PLXDC2: variants seen among roughly 807,000 people sequenced by gnomAD.
The protein encoded by PLXDC2 is plexin domain containing 2, also known as plexin domain-containing protein 2.
In PLXDC2, 40 loss-of-function variants were observed where a neutral mutation model predicts 68.9. The observed-to-expected ratio is 0.58, with a 90% CI of 0.45 to 0.76. The LOEUF (loss-of-function observed/expected upper bound fraction) is 0.76, where lower values mean the gene tolerates loss of function less well. PLXDC2 is among the 30% of genes least tolerant of loss of function. PLXDC2 has a pLI of 0.00. For synonymous variants in PLXDC2, 243 were observed against 234.2 expected (o/e 1.04, Z -0.34); for missense variants, 644 against 661.9 (o/e 0.97, Z 0.30).
At chr10:20,031,075 G>A (rs1476001901) in intron 2 of PLXDC2, among the ~76,000 whole-genome samples, 2 of 152,102 alleles carry the variant, frequency 1.3e-5, no homozygotes, top group African/African-American at 4.8e-5. Context: ...GACACTGTGT[G>A]GAATAGAAAG....
At chr10:20,186,440 A>T (rs1194001030) in intron 9 of PLXDC2, among the ~76,000 whole-genome samples, 1 of 151,874 alleles carries the variant, frequency 6.6e-6, no homozygotes, top group Non-Finnish European at 1.5e-5. Context: ...TTAGGTAAGA[A>T]GTACACATGC....
At chr10:20,150,588 A>G (rs1371150381) in intron 6 of PLXDC2, among the ~76,000 whole-genome samples, 1 of 152,184 alleles carries the variant, frequency 6.6e-6, no homozygotes, top group African/African-American at 2.4e-5. Flanking sequence ...ATATTGCTGT[A>G]ACTGCACAGT....
chr10:19,850,274 A>G (rs1340365881), intron 1 of PLXDC2, among the ~76,000 whole-genome samples: 5 of 138,372 alleles, frequency 3.6e-5, no homozygotes, highest in Non-Finnish European at 6.1e-5. Context: ...TGCCTAACTG[A>G]TAGGTTTTTT....
intron 2 of PLXDC2, among the ~76,000 whole-genome samples, chr10:20,031,231 A>G (rs999118264): frequency 6.6e-6 from 1 of 152,050 alleles, no homozygotes; most frequent in Non-Finnish European, 1.5e-5. Context: ...ATAGCCGACC[A>G]TGGTGTCATG....
chr10:19,917,917 G>T (rs1044615835), intron 1 of PLXDC2, among the ~76,000 whole-genome samples: 4 of 152,156 alleles, frequency 2.6e-5, no homozygotes, highest in Admixed American at 2.6e-4. Flanking sequence ...GAACCTATTT[G>T]CAAAGTTCAC....
chr10:20,272,789 G>C (rs541631047), intron 13 of PLXDC2, among the ~76,000 whole-genome samples: 7 of 152,180 alleles, frequency 4.6e-5, no homozygotes, highest in Admixed American at 1.3e-4. Flanking sequence ...ATTAAAGAGT[G>C]GGCTCGCTTA....
At chr10:19,825,496 C>T (rs1004151054) in intron 1 of PLXDC2, among the ~76,000 whole-genome samples, 4 of 152,032 alleles carry the variant, frequency 2.6e-5, no homozygotes, top group Non-Finnish European at 2.9e-5. Context: ...TTCTTGGGTC[C>T]AGCTGGAATA....
chr10:20,030,447 A>G (rs530223198), intron 2 of PLXDC2, among the ~76,000 whole-genome samples: 1 of 152,192 alleles, frequency 6.6e-6, no homozygotes, highest in African/African-American at 2.4e-5. Flanking sequence ...CTGTCACTTT[A>G]TGATGTGAAC....
chr10:20,113,330 C>T (rs1833582157), intron 4 of PLXDC2, among the ~76,000 whole-genome samples: 1 of 152,218 alleles, frequency 6.6e-6, no homozygotes, highest in Non-Finnish European at 1.5e-5. Context: ...AACAAGCCTT[C>T]AAACCCAAAT....
At chr10:20,037,910 A>G (rs982284132) in intron 2 of PLXDC2, among the ~76,000 whole-genome samples, 1 of 152,186 alleles carries the variant, frequency 6.6e-6, no homozygotes, top group Non-Finnish European at 1.5e-5. Context: ...AAATTTACAC[A>G]CATACACACA....
At chr10:20,013,968 T>A (rs1835159979) in intron 2 of PLXDC2, among the ~76,000 whole-genome samples, 1 of 152,158 alleles carries the variant, frequency 6.6e-6, no homozygotes, top group African/African-American at 2.4e-5. Flanking sequence ...TACAGAAATG[T>A]GCTAGAACAA....
At chr10:20,190,929 A>G (rs1213179111) in intron 9 of PLXDC2, among the ~76,000 whole-genome samples, 1 of 151,994 alleles carries the variant, frequency 6.6e-6, no homozygotes, top group Non-Finnish European at 1.5e-5. Flanking sequence ...GGAACATCCT[A>G]CTTAAGATTT....
Position 20,012,317 on chromosome 10 carries a change from TTTTTTTTTTTTTTTTTTGG to T in PLXDC2, c.324+10332_324+10350del, listed in dbSNP as rs1331935119. Among the ~76,000 whole-genome samples, 59 of 19,410 alleles carry T rather than the reference TTTTTTTTTTTTTTTTTTGG, an allele frequency of 3.0e-3. 2 individuals carry two copies. The highest frequency in any genetic ancestry group is 0.013 in the Middle Eastern group (1 of 78). 12.7% of individuals were successfully genotyped at this position (19,410 alleles called of 152,430 possible). Reference sequence around the variant, plus strand: ...TCTCTCTCTCTCTTTTTTATTTTTTTTTTTTTTTTTTTTTTTTGGAGAAGGAGACTTGCTGTGTTTCCCA... The same window carrying T: ...TCTCTCTCTCTCTTTTTTATTTTTTTAGAAGGAGACTTGCTGTGTTTCCCA... On this transcript the variant is annotated intron_variant, in intron 2 of 13. Transcript: ENST00000377252.
At chr10:20,149,579 C>T (rs117137833) in intron 6 of PLXDC2, among the ~76,000 whole-genome samples, 4,110 of 152,152 alleles carry the variant, frequency 0.027, 73 homozygotes, top group Non-Finnish European at 0.032. Context: ...TCTCACCTTC[C>T]ACTCTCAAGT....
chr10:20,225,960 C>T (rs903029351), intron 12 of PLXDC2, among the ~76,000 whole-genome samples: 4 of 152,122 alleles, frequency 2.6e-5, no homozygotes, highest in Non-Finnish European at 4.4e-5. Flanking sequence ...TGGGGTGAAG[C>T]CCAAACCTTT....
At chr10:20,001,251 C>G (rs922161221) in intron 1 of PLXDC2, among the ~76,000 whole-genome samples, 1 of 152,184 alleles carries the variant, frequency 6.6e-6, no homozygotes, top group Admixed American at 6.5e-5. Context: ...GTAGTTTCGC[C>G]CATTTACACG....
chr10:20,086,248 CT>C (rs1833192509), intron 4 of PLXDC2, among the ~76,000 whole-genome samples: 1 of 152,126 alleles, frequency 6.6e-6, no homozygotes, highest in Non-Finnish European at 1.5e-5. Context: ...CAGCCTCGAC[CT>C]CCTGGACTGA....
chr10:19,982,862 C>G (rs146886079), intron 1 of PLXDC2, among the ~76,000 whole-genome samples: 83 of 152,218 alleles, frequency 5.5e-4, no homozygotes, highest in African/African-American at 1.9e-3. Flanking sequence ...AATCATTATG[C>G]AATTGCCTCT....
At chr10:19,962,371 G>T (rs2131603674) in intron 1 of PLXDC2, among the ~76,000 whole-genome samples, 1 of 83,798 alleles carries the variant, frequency 1.2e-5, no homozygotes, top group Non-Finnish European at 2.4e-5. Context: ...GGAGTCTCAT[G>T]CACCCATCTT....
Sources: allele counts gnomAD v4.1 joint callset (sites outside exome capture counted in the v4.1 genomes callset), GRCh38; gene constraint gnomAD v4.1.1; transcripts MANE v1.5; gene names NCBI Gene and HGNC (gene_info 2026-07-23, HGNC 2026-07-21).